The following ITGA8 variants were observed in gnomAD, a reference collection of about 807,000 sequenced individuals.
ITGA8 encodes the protein integrin subunit alpha 8.
ITGA8 carries 91 observed loss-of-function variants against 142.3 expected under a neutral mutation model. The observed-to-expected ratio is 0.64, with a 90% confidence interval of 0.54 to 0.76. The LOEUF (loss-of-function observed/expected upper bound fraction) is 0.76, where lower values mean the gene tolerates loss of function less well. ITGA8 is among the 30% of genes least tolerant of loss of function. The probability of loss-of-function intolerance (pLI) is 0.00; values close to 1 mark genes in which losing one functional copy is unlikely to be tolerated. For missense variants in ITGA8, 1,406 were observed against 1,327.7 expected (o/e 1.06, Z -0.92); for synonymous variants, 505 against 485.2 (o/e 1.04, Z -0.54).
chr10:15,551,082 G>A (rs1207760957), intron 26 of ITGA8, among the ~76,000 whole-genome samples: 1 of 152,144 alleles, frequency 6.6e-6, no homozygotes, highest in East Asian at 1.9e-4. Flanking sequence ...GGGGATTCTA[G>A]AGAGGAGGTA....
chr10:15,534,947 CA>C (rs1215528514), intron 27 of ITGA8, among the ~76,000 whole-genome samples: 1 of 152,184 alleles, frequency 6.6e-6, no homozygotes, highest in Non-Finnish European at 1.5e-5. Flanking sequence ...CCGGCTCCCT[CA>C]GCTTGCCGGG....
At chr10:15,696,033 A>G (rs1209250439) in intron 2 of ITGA8, among the ~76,000 whole-genome samples, 1 of 152,162 alleles carries the variant, frequency 6.6e-6, no homozygotes, top group East Asian at 1.9e-4. Flanking sequence ...TCCTAGTTGT[A>G]ATACTCAATG....
chr10:15,545,822 ATT>A (rs1426089918), intron 27 of ITGA8, among the ~76,000 whole-genome samples: 3 of 152,120 alleles, frequency 2.0e-5, no homozygotes, highest in Non-Finnish European at 4.4e-5. Context: ...TAGAGTATGT[ATT>A]AATTTATTTA....
chr10:15,701,632 C>T (rs930312133), intron 2 of ITGA8, among the ~76,000 whole-genome samples: 1 of 152,106 alleles, frequency 6.6e-6, no homozygotes, highest in Non-Finnish European at 1.5e-5. Context: ...GAGAGATCGC[C>T]CTGGGACAGA....
At chr10:15,601,585 C>A (rs184156087) in intron 20 of ITGA8, among the ~76,000 whole-genome samples, 2 of 152,094 alleles carry the variant, frequency 1.3e-5, no homozygotes, top group East Asian at 3.9e-4. Flanking sequence ...TTACATGTAT[C>A]TTACTACTAT....
chr10:15,630,925 T>C lies in ITGA8; in HGVS notation c.1399+13105A>G, dbSNP rs76936543. 8.1e-3 allele frequency among the ~76,000 whole-genome samples: 1,229 copies of C among 152,196 alleles called. 24 individuals carry two copies. Among genetic ancestry groups the C allele is most frequent in the East Asian group, 0.033 (173 of 5,182 alleles). ...ATGGCATTTCTCTAATGATCTGTGA[T>C]GCTGAGCTTTTTTTCATACGTTTGT... On this transcript the variant is annotated intron_variant, in intron 13 of 29. Coordinates refer to ENST00000378076, the MANE Select transcript of ITGA8 (RefSeq NM_003638.3).
chr10:15,559,998 A>T (rs142200363), intron 25 of ITGA8, among the ~76,000 whole-genome samples: 187 of 152,028 alleles, frequency 1.2e-3, no homozygotes, highest in African/African-American at 4.4e-3. Flanking sequence ...ATTTAAAAAG[A>T]TATTATGAGC....
chr10:15,703,489 T>G (rs1014548664), intron 2 of ITGA8, among the ~76,000 whole-genome samples: 8 of 152,190 alleles, frequency 5.3e-5, no homozygotes, highest in African/African-American at 1.7e-4. Context: ...CAAATAATAT[T>G]TTGGATATAA....
chr10:15,607,988 C>T (rs192039679), intron 16 of ITGA8, among the ~76,000 whole-genome samples, 157 bp from the exon 17 acceptor site: 2 of 152,254 alleles, frequency 1.3e-5, no homozygotes, highest in African/African-American at 4.8e-5. Flanking sequence ...GTATAACATA[C>T]TCTCCAAGCT....
At chr10:15,666,033 G>GT (rs1450182007) in intron 8 of ITGA8, among the ~76,000 whole-genome samples, 2 of 152,162 alleles carry the variant, frequency 1.3e-5, no homozygotes, top group Non-Finnish European at 2.9e-5. Flanking sequence ...CTTTAAAGTA[G>GT]TTTTTTTCCA....
intron 26 of ITGA8, among the ~76,000 whole-genome samples, chr10:15,557,572 C>A (rs1833908074): frequency 1.3e-5 from 2 of 152,138 alleles, no homozygotes; most frequent in South Asian, 4.1e-4. Context: ...AGGCTGGTCC[C>A]AAACCCTTGG....
intron 1 of ITGA8, 98 bp downstream of exon 1, chr10:15,719,465 G>T: frequency 8.9e-7 from 1 of 1,128,364 alleles, no homozygotes; most frequent in African/African-American, 1.7e-5. Context: ...GCAGGACGGG[G>T]ATCCCAGGCT....
chr10:15,613,692 G>A lies in ITGA8; in HGVS notation c.1521C>T (p.Cys507=). ...PMIINLENKT[C]QVPDSMTSAA... is the part of the protein sequence containing the mutation. ...CAGATGTCATAGAGTCTGGAACCTGGCAAGTTTTATTTTCAAGATTGATAA... is the reference window on the plus strand; with the variant it reads ...CAGATGTCATAGAGTCTGGAACCTGACAAGTTTTATTTTCAAGATTGATAA... Residue 507 remains cysteine (C), a synonymous_variant, in exon 15 of 30, where the codon TGC becomes TGT. Transcript: ENST00000378076. 1.3e-5 allele frequency: 21 copies of A among 1,613,912 alleles called. No homozygotes were observed. The highest frequency in any genetic ancestry group is 1.6e-5 in the Non-Finnish European group (19 of 1,179,774).
intron 17 of ITGA8, among the ~76,000 whole-genome samples, chr10:15,606,732 G>A (rs528231444): frequency 1.3e-5 from 2 of 152,210 alleles, no homozygotes; most frequent in Admixed American, 6.5e-5. Flanking sequence ...AAGATTACAC[G>A]TGTATATCAT....
intron 21 of ITGA8, among the ~76,000 whole-genome samples, chr10:15,596,196 T>G (rs1833009130): frequency 6.6e-6 from 1 of 152,276 alleles, no homozygotes; most frequent in South Asian, 2.1e-4. Context: ...TGCTTCATTT[T>G]GAAGTCTCAT....
chr10:15,602,184 G>C (rs902891891), intron 20 of ITGA8, among the ~76,000 whole-genome samples: 10 of 152,122 alleles, frequency 6.6e-5, no homozygotes, highest in African/African-American at 2.4e-4. Context: ...AAATATGAGT[G>C]GAGCTCTGGA....
In ITGA8 at chr10:15,516,229, G is replaced by A. The variant is rs1300122718; in HGVS notation, c.*929C>T. 6.6e-5 allele frequency: 10 copies of A among 152,100 alleles called. No homozygotes were observed. Among genetic ancestry groups the A allele is most frequent in the Non-Finnish European group, 1.5e-4 (10 of 68,030 alleles). The allele number at this position is 152,100 out of a possible 1,614,324, so 9.4% of individuals were successfully genotyped here. A position where few individuals can be genotyped will look rare whatever the true frequency, so the allele number is the denominator to read the frequency against. ...ACACTCCAAAGGTAGAGAGTACCTC[G>A]AAATTCATGTATTAACTAAGTCAAT... On this transcript the variant is annotated 3_prime_UTR_variant, in exon 30 of 30. Coordinates refer to ENST00000378076, the MANE Select transcript of ITGA8 (RefSeq NM_003638.3).
intron 2 of ITGA8, among the ~76,000 whole-genome samples, chr10:15,693,368 T>C (rs1834969363): frequency 6.6e-6 from 1 of 152,234 alleles, no homozygotes. Flanking sequence ...TGAGTTTACT[T>C]ATGATTACAG....
chr10:15,639,049 A>G (rs1833822163), intron 13 of ITGA8, among the ~76,000 whole-genome samples: 1 of 151,928 alleles, frequency 6.6e-6, no homozygotes, highest in Non-Finnish European at 1.5e-5. Flanking sequence ...GGATCGCTAG[A>G]GCCCAGGAGT....
Sources: allele counts gnomAD v4.1 joint callset (sites outside exome capture counted in the v4.1 genomes callset), GRCh38; gene constraint gnomAD v4.1.1; transcripts MANE v1.5; gene names NCBI Gene and HGNC (gene_info 2026-07-23, HGNC 2026-07-21).